Variants in QTGAL observed in about 807,000 individuals in gnomAD.
QTGAL encodes the protein queuosine-tRNA galactosyltransferase, also known as BGnT-like protein 1.
At chr17:83,030,028 C>T in the QTGAL span, among the ~76,000 whole-genome samples, 1 of 152,150 alleles carries the variant, frequency 6.6e-6, no homozygotes, top group African/African-American at 2.4e-5. Context: ...AAAACAGGTA[C>T]AGTTATAATC....
the QTGAL span, among the ~76,000 whole-genome samples, chr17:82,979,593 C>G: frequency 6.6e-6 from 1 of 152,136 alleles, no homozygotes; most frequent in Non-Finnish European, 1.5e-5. Context: ...AAAACTACAA[C>G]ATGTGAATGA....
At chr17:82,964,033 G>GGGA in the QTGAL span, among the ~76,000 whole-genome samples, 36 of 150,872 alleles carry the variant, frequency 2.4e-4, no homozygotes, top group Non-Finnish European at 4.7e-4. Flanking sequence ...GAGGTCGGGG[G>GGGA]GGTGGATTGC....
chr17:82,988,115 T>C, the QTGAL span, among the ~76,000 whole-genome samples: 1 of 152,238 alleles, frequency 6.6e-6, no homozygotes. Flanking sequence ...TTTTGCACAT[T>C]GATTTTGTAT....
the QTGAL span, among the ~76,000 whole-genome samples, chr17:83,028,704 A>G: frequency 6.7e-3 from 1,018 of 152,306 alleles, 10 homozygotes; most frequent in South Asian, 0.037. Flanking sequence ...CGAACGCCGG[A>G]AAACTGTTCA....
At chr17:83,009,683 A>G in the QTGAL span, among the ~76,000 whole-genome samples, 18 of 152,212 alleles carry the variant, frequency 1.2e-4, 1 homozygote, top group East Asian at 3.5e-3. Context: ...TGTCTGGGTG[A>G]ACCCAGGTGA....
At chr17:83,014,535 C>T in the QTGAL span, 3 of 1,613,728 alleles carry the variant, frequency 1.9e-6, no homozygotes, top group Admixed American at 1.7e-5. Context: ...GTAAAGAACA[C>T]ACTTTCCGTT....
chr17:83,005,638 A>C, the QTGAL span: 18 of 703,368 alleles, frequency 2.6e-5, no homozygotes, highest in African/African-American at 1.9e-4. The surrounding 1 kb of genome is among the most constrained non-coding windows in gnomAD (Gnocchi z 5.6). Flanking sequence ...CGCCCGTCTG[A>C]ACCTGCTCCA....
the QTGAL span, among the ~76,000 whole-genome samples, chr17:83,045,078 T>C: frequency 2.0e-5 from 3 of 152,230 alleles, no homozygotes; most frequent in Non-Finnish European, 1.5e-5. Flanking sequence ...AATAAACTAT[T>C]AGAGCTAATA....
chr17:82,984,015 G>A, the QTGAL span, among the ~76,000 whole-genome samples: 1,649 of 133,368 alleles, frequency 0.012, 36 homozygotes, highest in African/African-American at 0.041. Flanking sequence ...ACGTGAGGAC[G>A]TGGGGGAGGG....
chr17:82,965,587 C>G, the QTGAL span: 1 of 1,440,412 alleles, frequency 6.9e-7, no homozygotes, highest in Non-Finnish European at 9.5e-7. Flanking sequence ...GTGTGCAGAG[C>G]CCACACACAG....
the QTGAL span, among the ~76,000 whole-genome samples, chr17:83,036,452 A>G: frequency 0.2 from 30,762 of 152,120 alleles, 3,240 homozygotes; most frequent in Non-Finnish European, 0.24. Flanking sequence ...TGTGCAGCTT[A>G]TGAACCTTCA....
At chr17:83,009,949 GGCTGTGGGGGAGGGGA>G in the QTGAL span, among the ~76,000 whole-genome samples, 1 of 149,444 alleles carries the variant, frequency 6.7e-6, no homozygotes, top group Non-Finnish European at 1.5e-5. Flanking sequence ...GGGGGAGGGG[GGCTGTGGGGGAGGGGA>G]GCTGTGGGGG....
chr17:83,006,626 C>T, the QTGAL span: 61 of 983,398 alleles, frequency 6.2e-5, no homozygotes, highest in Non-Finnish European at 7.2e-5. The surrounding 1 kb of genome is among the most constrained non-coding windows in gnomAD (Gnocchi z 5.8). Flanking sequence ...ATCCCGACGC[C>T]GTGGCTGTGC....
At chr17:83,048,529 C>A in the QTGAL span, 4 of 1,613,972 alleles carry the variant, frequency 2.5e-6, no homozygotes, top group Admixed American at 6.7e-5. Context: ...CAGAATCTTC[C>A]AGCTTCACTC....
the QTGAL span, among the ~76,000 whole-genome samples, chr17:82,985,381 G>A: frequency 6.6e-6 from 1 of 152,206 alleles, no homozygotes; most frequent in Non-Finnish European, 1.5e-5. Context: ...TGTAACAGCT[G>A]AGAAATGGTT....
At chr17:83,038,389 T>A in the QTGAL span, among the ~76,000 whole-genome samples, 5 of 152,190 alleles carry the variant, frequency 3.3e-5, no homozygotes, top group Non-Finnish European at 5.9e-5. Flanking sequence ...TTCATACAAA[T>A]GGGATATGCC....
At chr17:82,946,642 T>A in the QTGAL span, among the ~76,000 whole-genome samples, 1 of 150,126 alleles carries the variant, frequency 6.7e-6, no homozygotes, top group Non-Finnish European at 1.5e-5. Context: ...ATAATGAAAA[T>A]TATAAAATAT....
the QTGAL span, among the ~76,000 whole-genome samples, chr17:83,013,715 G>A: frequency 4.6e-5 from 7 of 152,056 alleles, no homozygotes; most frequent in Admixed American, 6.5e-5. Flanking sequence ...CGCGGGGGGA[G>A]GGCAGAGGGG....
the QTGAL span, among the ~76,000 whole-genome samples, chr17:82,951,242 C>T: frequency 6.6e-6 from 1 of 152,204 alleles, no homozygotes; most frequent in Admixed American, 6.5e-5. Flanking sequence ...CACTGAAGAT[C>T]TGTGGTTGAG....
Sources: allele counts gnomAD v4.1 joint callset (sites outside exome capture counted in the v4.1 genomes callset), GRCh38; gene constraint gnomAD v4.1.1; non-coding constraint Gnocchi (gnomAD v3.1); transcripts MANE v1.5; gene names NCBI Gene and HGNC (gene_info 2026-07-23, HGNC 2026-07-21).